Variants in SORCS2 observed in about 807,000 individuals in gnomAD.
SORCS2 encodes the protein sortilin related VPS10 domain containing receptor 2.
In SORCS2, 100 loss-of-function variants were observed where a neutral mutation model predicts 141.6. That is an observed-to-expected ratio of 0.71 (90% CI 0.60 to 0.83). The LOEUF (loss-of-function observed/expected upper bound fraction) is 0.83, where lower values mean the gene tolerates loss of function less well. Among genes scored for constraint, SORCS2 ranks in the 40% least tolerant of loss-of-function variants. The pLI is 0.00. For missense variants in SORCS2, 1,646 were observed against 1,560.2 expected, an observed-to-expected ratio of 1.05 and a Z score of -0.93; for synonymous variants, 789 against 676.9, an observed-to-expected ratio of 1.17 and a Z score of -2.57.
At chr4:7,466,619 T>C (rs1560308377) in intron 2 of SORCS2, among the ~76,000 whole-genome samples, 2 of 152,100 alleles carry the variant, frequency 1.3e-5, no homozygotes, top group African/African-American at 2.4e-5. Flanking sequence ...CGGGGTCCTG[T>C]AGGAGGTGGG....
intron 5 of SORCS2, among the ~76,000 whole-genome samples, chr4:7,657,601 G>A (rs563480537): frequency 6.6e-6 from 1 of 151,676 alleles, no homozygotes; most frequent in East Asian, 1.9e-4. Context: ...GAGCGGGTGA[G>A]TGAGTGGGTG....
rs542726338 is a variant in SORCS2 at position 7,376,088 on chromosome 4, C to T, written c.481-20200C>T. ...AGGCAGGTCTGGAAGCAGTCCTTGG[C>T]ACATGGTAGGAGTGCAGTTGGTGAC... On this transcript the variant is annotated intron_variant, in intron 1 of 26. Coordinates refer to ENST00000507866, the MANE Select transcript of SORCS2 (RefSeq NM_020777.3). 2.0e-5 allele frequency among the ~76,000 whole-genome samples: 3 copies of T among 152,330 alleles called. No individual in the cohort carries two copies. In the South Asian group the frequency reaches 6.2e-4, roughly 32 times the overall value.
chr4:7,499,522 G>C (rs1158197383), intron 2 of SORCS2, among the ~76,000 whole-genome samples: 1 of 152,106 alleles, frequency 6.6e-6, no homozygotes, highest in Non-Finnish European at 1.5e-5. Context: ...GACTGAAAAG[G>C]ATAGTTTTGA....
chr4:7,429,668 G>A (rs533486684), intron 2 of SORCS2, among the ~76,000 whole-genome samples: 11 of 152,312 alleles, frequency 7.2e-5, no homozygotes, highest in African/African-American at 2.6e-4. Context: ...GGAGGACCCG[G>A]GGAGGTGGGG....
chr4:7,293,386 C>G (rs1442312050), intron 1 of SORCS2, among the ~76,000 whole-genome samples: 1 of 152,124 alleles, frequency 6.6e-6, no homozygotes, highest in African/African-American at 2.4e-5. Context: ...TGGCTTCTGT[C>G]ATACACAATC....
chr4:7,215,479 C>T (rs1277677120), intron 1 of SORCS2, among the ~76,000 whole-genome samples: 2 of 152,262 alleles, frequency 1.3e-5, no homozygotes, highest in Non-Finnish European at 2.9e-5. Flanking sequence ...CCACGGCTCC[C>T]AGTCCCATCG....
At chr4:7,484,541 G>A (rs751471684) in intron 2 of SORCS2, among the ~76,000 whole-genome samples, 16 of 152,072 alleles carry the variant, frequency 1.1e-4, no homozygotes, top group South Asian at 6.3e-4. Context: ...GGATAGAAAG[G>A]GCTTTGGGCA....
At chr4:7,467,710 C>T (rs1208714732) in intron 2 of SORCS2, among the ~76,000 whole-genome samples, 1 of 152,328 alleles carries the variant, frequency 6.6e-6, no homozygotes, top group Non-Finnish European at 1.5e-5. Context: ...GGGGGAGATG[C>T]CACCCAGCTC....
At chr4:7,366,740 T>C (rs951047062) in intron 1 of SORCS2, among the ~76,000 whole-genome samples, 2 of 151,996 alleles carry the variant, frequency 1.3e-5, no homozygotes, top group African/African-American at 2.4e-5. Context: ...GCCTGTGTGC[T>C]CACCACATGT....
intron 10 of SORCS2, among the ~76,000 whole-genome samples, chr4:7,688,480 G>A (rs1023710896): frequency 6.6e-6 from 1 of 152,194 alleles, no homozygotes; most frequent in Non-Finnish European, 1.5e-5. Flanking sequence ...GCAGTATCTT[G>A]CCCAGGGGAA....
At chr4:7,472,490 A>G (rs1195479679) in intron 2 of SORCS2, among the ~76,000 whole-genome samples, 1 of 151,874 alleles carries the variant, frequency 6.6e-6, no homozygotes, top group Non-Finnish European at 1.5e-5. Context: ...GGTTGTGGCA[A>G]GCGGGGGACA....
intron 1 of SORCS2, among the ~76,000 whole-genome samples, chr4:7,389,044 C>T (rs13116343): frequency 0.29 from 44,406 of 152,052 alleles, 6,755 homozygotes; most frequent in East Asian, 0.54. Context: ...CGGTTCTGCC[C>T]GTGCCCCACT....
Position 7,648,398 on chromosome 4 carries a change from G to A in SORCS2, c.814-5736G>A, listed in dbSNP as rs973882588. On this transcript the variant is annotated intron_variant, in intron 4 of 26. Coordinates refer to ENST00000507866, the MANE Select transcript of SORCS2 (RefSeq NM_020777.3). This position sits in a 1 kb window ranked among gnomAD's most constrained non-coding sequence, Gnocchi z 4.2. ...CAGGAGAGGATCCTGGAAGGGGGAT[G>A]TGTGGCATGAGCCTCAGAGTAGGCC... Among the ~76,000 whole-genome samples, 1 of 152,150 alleles carries A rather than the reference G, an allele frequency of 6.6e-6. No individual in the cohort carries two copies. Among genetic ancestry groups the A allele is most frequent in the African/African-American group, 2.4e-5 (1 of 41,406 alleles).
chr4:7,527,463 T>TGGGCCTCG (rs765668132), intron 2 of SORCS2, among the ~76,000 whole-genome samples: 25 of 152,064 alleles, frequency 1.6e-4, no homozygotes, highest in Admixed American at 3.3e-4. Flanking sequence ...GACTCTGCAG[T>TGGGCCTCG]GGGCCTCGGG....
chr4:7,663,138 G>A lies in SORCS2; in HGVS notation c.953-1215G>A, dbSNP rs1486130221. The stretch of plus-strand genomic sequence containing the variant: ...AATGAGTGAGTGGGTGAATAAGTGA[G>A]TGAGTAATTGAAAGAGTGAGTGAGT... On this transcript the variant is annotated intron_variant, in intron 6 of 26. Coordinates refer to ENST00000507866, the MANE Select transcript of SORCS2 (RefSeq NM_020777.3). The surrounding 1 kb of genome is among the most constrained non-coding windows in gnomAD (Gnocchi z 4.8). Among the ~76,000 whole-genome samples the A allele has an allele frequency of 6.6e-6, 1 of 151,958 alleles. No individual in the cohort carries two copies. The highest frequency in any genetic ancestry group is 1.5e-5 in the Non-Finnish European group (1 of 68,002).
chr4:7,477,301 T>TTTCAGTGGGCTGACCGGGGCTAACCATGG (rs11268679), intron 2 of SORCS2, among the ~76,000 whole-genome samples: 1 of 35,462 alleles, frequency 2.8e-5, no homozygotes, highest in Non-Finnish European at 8.8e-5. Context: ...AACAGTGGGG[T>TTTCAGTGGGCTGACCGGGGCTAACCATGG]CTGACTGAGG....
intron 9 of SORCS2, among the ~76,000 whole-genome samples, chr4:7,677,560 C>T (rs1298325250): frequency 2.0e-5 from 3 of 151,786 alleles, no homozygotes; most frequent in Non-Finnish European, 4.4e-5. Flanking sequence ...TGTGGGGACA[C>T]CCCCCAGTGG....
At chr4:7,375,084 G>C (rs373711810) in intron 1 of SORCS2, among the ~76,000 whole-genome samples, 1 of 152,290 alleles carries the variant, frequency 6.6e-6, no homozygotes, top group East Asian at 1.9e-4. Context: ...ATGGTGATTC[G>C]ATGAGAAAGG....
At chr4:7,399,804 G>A (rs1422411678) in intron 2 of SORCS2, among the ~76,000 whole-genome samples, 1 of 152,148 alleles carries the variant, frequency 6.6e-6, no homozygotes, top group Non-Finnish European at 1.5e-5. Flanking sequence ...CCCTTATAAA[G>A]TGCTGCAGTT....
Sources: allele counts gnomAD v4.1 joint callset (sites outside exome capture counted in the v4.1 genomes callset), GRCh38; gene constraint gnomAD v4.1.1; non-coding constraint Gnocchi (gnomAD v3.1); transcripts MANE v1.5; gene names NCBI Gene and HGNC (gene_info 2026-07-23, HGNC 2026-07-21).